IZUMO2: variants seen among roughly 807,000 people sequenced by gnomAD.
The protein encoded by IZUMO2 is IZUMO family member 2, also known as izumo sperm-egg fusion protein 2.
A neutral mutation model predicts 31.2 loss-of-function variants in IZUMO2; 24 were observed. The ratio of observed to expected loss-of-function variants is 0.77; its 90% CI spans 0.56 to 1.08. The LOEUF (loss-of-function observed/expected upper bound fraction) is 1.08. IZUMO2 is among the 50% of genes least tolerant of loss of function. The pLI, the probability that IZUMO2 is intolerant of heterozygous loss-of-function variation, is 0.00. For synonymous variants in IZUMO2, 144 were observed against 117.3 expected (o/e 1.23, Z -1.47); for missense variants, 278 against 274.0 (o/e 1.01, Z -0.10).
chr19:50,152,622 A>C lies in IZUMO2; in HGVS notation c.653T>G (p.Leu218Arg). 6.2e-7 allele frequency: 1 copy of C among 1,613,578 alleles called. No homozygotes were observed. The highest frequency in any genetic ancestry group is 1.1e-5 in the South Asian group (1 of 91,076). ...SACTYRQNRK[L>R]LLQ The stretch of plus-strand genomic sequence containing the variant: ...CAAACCACCGTCCTACTGCAGCAGG[A>C]GTTTTCGGTTTTGTCTGTATGTACA... Residue 218 changes from leucine to arginine, a missense_variant, in exon 7 of 7, where the codon CTC becomes CGC. Coordinates refer to ENST00000293405, the MANE Select transcript of IZUMO2 (RefSeq NM_152358.3).
chr19:50,154,499 G>C (rs1052749095), intron 6 of IZUMO2, 101 bp downstream of exon 6: 1 of 1,165,466 alleles, frequency 8.6e-7, no homozygotes, highest in Admixed American at 2.1e-5. Context: ...GACTGAAGAG[G>C]AGACTCCCAA....
At chr19:50,159,831 G>A (rs1296949733) in intron 2 of IZUMO2, 3 of 394,218 alleles carry the variant, frequency 7.6e-6, no homozygotes, top group Non-Finnish European at 1.4e-5. Context: ...AAGTGGATTT[G>A]ATCTCTCTTC....
rs746443628 is a variant in IZUMO2 at position 50,159,216 on chromosome 19, G to A, written c.415+14C>T. 1.6e-5 allele frequency: 25 copies of A among 1,609,652 alleles called. No individual in the cohort carries two copies. In the East Asian group the frequency reaches 2.9e-4, roughly 19 times the overall value. On this transcript the variant is annotated intron_variant, in intron 4 of 6. Transcript: ENST00000293405. ...GAGGGTAGAGAAGGGAGAGATAGAC[G>A]ATCCAGAACTCACGGCAAAGTTTGG...
In IZUMO2 at chr19:50,163,169, A is replaced by T. The variant is rs746720613; in HGVS notation, c.26T>A (p.Leu9Gln). Residue 9 changes from leucine (L) to glutamine (Q), a missense_variant, in exon 1 of 7, where the codon CTG (leucine) becomes CAG (glutamine). Physicochemically the swap from Leu to Gln is moderately radical, Grantham distance 113. Coordinates refer to ENST00000293405, the MANE Select transcript of IZUMO2 (RefSeq NM_152358.3). The part of the protein sequence containing the change: MPLALTLL[L>Q]LSGLGAPGGW... ...TCCGGGGGCGCCCAAGCCCGAGAGC[A>T]GCAGAAGGGTCAAAGCCAGAGGCAT... is the stretch of plus-strand genomic sequence containing the variant. The T allele has an allele frequency of 6.4e-7, 1 of 1,557,938 alleles. No homozygotes were observed.
At chr19:50,157,405 C>T (rs1007711537) in intron 5 of IZUMO2, among the ~76,000 whole-genome samples, 3 of 150,658 alleles carry the variant, frequency 2.0e-5, no homozygotes, top group South Asian at 4.2e-4. Flanking sequence ...TATATTCAAG[C>T]GATTCTCCTG....
intron 4 of IZUMO2, 57 bp from the exon 5 acceptor site, chr19:50,158,405 G>A: frequency 2.5e-6 from 3 of 1,191,400 alleles, no homozygotes; most frequent in Middle Eastern, 3.8e-4. Flanking sequence ...GACCGGCAAG[G>A]GTGGAAAGGA....
chr19:50,161,907 C>T (rs570497067), intron 2 of IZUMO2, among the ~76,000 whole-genome samples: 1 of 152,166 alleles, frequency 6.6e-6, no homozygotes, highest in Admixed American at 6.5e-5. Flanking sequence ...GCACATCCCC[C>T]GCTCCCCCCC....
intron 5 of IZUMO2, among the ~76,000 whole-genome samples, chr19:50,157,267 A>G (rs2030241542): frequency 6.6e-6 from 1 of 151,110 alleles, no homozygotes; most frequent in Non-Finnish European, 1.5e-5. Flanking sequence ...CAGCATGACT[A>G]TTCAACCCGG....
At chr19:50,154,424 C>T (rs1600811292) in intron 6 of IZUMO2, among the ~76,000 whole-genome samples, 176 bp downstream of exon 6, 1 of 143,418 alleles carries the variant, frequency 7.0e-6, no homozygotes, top group Non-Finnish European at 1.5e-5. Flanking sequence ...AGGTACGGGG[C>T]AGGGGGCGGG....
At chr19:50,157,635 C>T (rs1400617678) in intron 5 of IZUMO2, among the ~76,000 whole-genome samples, 15 of 141,650 alleles carry the variant, frequency 1.1e-4, no homozygotes, top group Non-Finnish European at 1.7e-4. Context: ...TATGAGAATA[C>T]GTTTTTTAGG....
chr19:50,154,710 G>A lies in IZUMO2; in HGVS notation c.513C>T (p.Arg171=), dbSNP rs773141072. ...KKYCFVDRQP[R]VALQYQMDSK... ...TGTCCATCTGGTACTGCAGGGCCAC[G>A]CGGGGTTGCCGGTCGACTGGGGCGG... Residue 171 remains arginine, a synonymous_variant, in exon 6 of 7, where the codon CGC becomes CGT. Transcript: ENST00000293405. 22 of 1,613,744 alleles carry A rather than the reference G, an allele frequency of 1.4e-5. No homozygotes were observed. The highest frequency in any genetic ancestry group is 3.3e-5 in the South Asian group (3 of 91,080).
At chr19:50,156,894 T>G (rs1013253315) in intron 5 of IZUMO2, among the ~76,000 whole-genome samples, 1 of 152,214 alleles carries the variant, frequency 6.6e-6, no homozygotes, top group Admixed American at 6.5e-5. Flanking sequence ...AAAAATATTC[T>G]GGGGACAATT....
chr19:50,158,211 G>T, intron 5 of IZUMO2, 57 bp downstream of exon 5: 1 of 1,132,946 alleles, frequency 8.8e-7, no homozygotes, highest in Non-Finnish European at 1.3e-6. Context: ...GTGGGTCATG[G>T]CTGTCTTCAT....
Position 50,163,150 on chromosome 19 carries a change from G to A in IZUMO2, c.45C>T (p.Ala15=). The change falls in exon 1 of 7, where the codon GCC becomes GCT. Residue 15 remains alanine, a synonymous_variant. Coordinates refer to ENST00000293405, the MANE Select transcript of IZUMO2 (RefSeq NM_152358.3). ...ACTGCAGGCAGCCCCAGCCTCCGGGGGCGCCCAAGCCCGAGAGCAGCAGAA... is the reference window on the plus strand; with the variant it reads ...ACTGCAGGCAGCCCCAGCCTCCGGGAGCGCCCAAGCCCGAGAGCAGCAGAA... ...LTLLLLSGLG[A]PGGWGCLQCD... 1 of 1,574,940 alleles carries A rather than the reference G, an allele frequency of 6.3e-7. No homozygotes were observed. The highest frequency in any genetic ancestry group is 8.6e-7 in the Non-Finnish European group (1 of 1,161,430).
chr19:50,163,275 G>T lies in IZUMO2; in HGVS notation c.-81C>A. The T allele has an allele frequency of 1.0e-6, 1 of 1,004,732 alleles. No individual in the cohort carries two copies. The highest frequency in any genetic ancestry group is 1.4e-5 in the South Asian group (1 of 69,742). The allele number at this position is 1,004,732 out of a possible 1,614,324, so 62.2% of individuals were successfully genotyped here. ...AGGGCGCGGTCAGGAGGCCCAGGGAGCATCACGGTGTTACAGGCACGTGTT... is the reference window on the plus strand; with the variant it reads ...AGGGCGCGGTCAGGAGGCCCAGGGATCATCACGGTGTTACAGGCACGTGTT... On this transcript the variant is annotated 5_prime_UTR_variant, in exon 1 of 7. Transcript: ENST00000293405.
intron 4 of IZUMO2, 65 bp from the exon 5 acceptor site, chr19:50,158,413 G>T: frequency 9.1e-7 from 1 of 1,101,214 alleles, no homozygotes; most frequent in Admixed American, 1.9e-5. Flanking sequence ...AGGGTGGAAA[G>T]GAAGAAGGAG....
chr19:50,152,827 G>A (rs1459789965), intron 6 of IZUMO2, among the ~76,000 whole-genome samples, 176 bp from the exon 7 acceptor site: 5 of 152,168 alleles, frequency 3.3e-5, no homozygotes, highest in Non-Finnish European at 7.4e-5. Flanking sequence ...ACCGGAGTTG[G>A]TGAGGAGAGA....
intron 5 of IZUMO2, among the ~76,000 whole-genome samples, chr19:50,155,776 T>C (rs1308474345): frequency 6.6e-6 from 1 of 152,198 alleles, no homozygotes; most frequent in Non-Finnish European, 1.5e-5. Context: ...GTCTTCCTGC[T>C]ACTCCATGGC....
chr19:50,162,815 T>C lies in IZUMO2; in HGVS notation c.233-2A>G. The stretch of plus-strand genomic sequence containing the variant: ...CCACAAGGTCCAGTTGATTTGTCTC[T>C]GGGGGGAGAAGGGAGAGGACACTCC... On this transcript the variant is annotated splice_acceptor_variant, in intron 1 of 6. Transcript: ENST00000293405. LOFTEE classifies it high-confidence loss of function. The C allele has an allele frequency of 6.2e-7, 1 of 1,613,478 alleles. No homozygotes were observed. Among genetic ancestry groups the C allele is most frequent in the Non-Finnish European group, 8.5e-7 (1 of 1,179,804 alleles).
Sources: gnomAD v4.1 joint callset for allele counts (sites outside exome capture counted in the v4.1 genomes callset) on GRCh38, gnomAD v4.1.1 for gene constraint, MANE v1.5 for transcripts, NCBI Gene and HGNC (gene_info 2026-07-23, HGNC 2026-07-21) for gene names.